The following CCDC3 variants were observed in gnomAD, a reference collection of about 807,000 sequenced individuals.
CCDC3 encodes the protein coiled-coil domain-containing protein 3.
CCDC3 carries 24 observed loss-of-function variants against 21.4 expected under a neutral mutation model. The ratio of observed to expected loss-of-function variants is 1.12; its 90% confidence interval spans 0.81 to 1.58. The LOEUF is 1.58. Ranked by LOEUF, CCDC3 falls within the 40% of genes most tolerant of loss-of-function variation. The probability of loss-of-function intolerance (pLI) is 0.00; values close to 1 mark genes in which losing one functional copy is unlikely to be tolerated. For synonymous variants in CCDC3, 186 were observed against 166.0 expected (o/e 1.12, Z -0.93); for missense variants, 425 against 360.9 (o/e 1.18, Z -1.44).
At chr10:13,061,632 T>G (rs1171375257) in intron 4 of CCDC3, among the ~76,000 whole-genome samples, 1 of 152,072 alleles carries the variant, frequency 6.6e-6, no homozygotes, top group Non-Finnish European at 1.5e-5. Flanking sequence ...ATACACTGGT[T>G]TGGTGGAGAA....
At chr10:12,981,177 A>ATTTTTTT (rs59193619) in intron 2 of CCDC3, among the ~76,000 whole-genome samples, 5 of 105,560 alleles carry the variant, frequency 4.7e-5, no homozygotes, top group Non-Finnish European at 7.3e-5. Flanking sequence ...CTGGCCCAGG[A>ATTTTTTT]TTTTTTTTTT....
intron 2 of CCDC3, among the ~76,000 whole-genome samples, chr10:12,906,204 C>T (rs1201498964): frequency 2.0e-5 from 3 of 152,208 alleles, no homozygotes; most frequent in Non-Finnish European, 2.9e-5. Flanking sequence ...GAAGTGACAG[C>T]AGGGAAGTTC....
intron 2 of CCDC3, among the ~76,000 whole-genome samples, chr10:12,937,140 C>T (rs1392496672): frequency 6.6e-6 from 1 of 151,218 alleles, no homozygotes; most frequent in East Asian, 1.9e-4. Flanking sequence ...CTCATTCACT[C>T]TGAGCATCCC....
At chr10:13,030,711 G>C (rs370589647) in intron 5 of CCDC3, among the ~76,000 whole-genome samples, 1 of 151,938 alleles carries the variant, frequency 6.6e-6, no homozygotes, top group Non-Finnish European at 1.5e-5. Context: ...TCTGATAAAA[G>C]AGACTTTAAA....
At chr10:12,956,521 C>T (rs907189703) in intron 2 of CCDC3, among the ~76,000 whole-genome samples, 2 of 152,182 alleles carry the variant, frequency 1.3e-5, no homozygotes, top group Non-Finnish European at 2.9e-5. Context: ...AGGCCTTCCC[C>T]ATCTCCAGGG....
At chr10:13,090,015 G>T (rs1371786896) in intron 3 of CCDC3, among the ~76,000 whole-genome samples, 1 of 141,876 alleles carries the variant, frequency 7.0e-6, no homozygotes, top group African/African-American at 2.7e-5. Flanking sequence ...CCTTTTTATG[G>T]CTGAGTAGTA....
At chr10:13,034,094 G>T (rs1187558586) in intron 5 of CCDC3, among the ~76,000 whole-genome samples, 1 of 152,012 alleles carries the variant, frequency 6.6e-6, no homozygotes, top group African/African-American at 2.4e-5. Flanking sequence ...AACCAACCCA[G>T]ATGTCCATCA....
At chr10:12,980,616 T>C (rs1044375689) in intron 2 of CCDC3, among the ~76,000 whole-genome samples, 4 of 152,166 alleles carry the variant, frequency 2.6e-5, no homozygotes, top group African/African-American at 7.2e-5. Context: ...TGAGCTAAGA[T>C]GTCCTCCCGG....
intron 2 of CCDC3, among the ~76,000 whole-genome samples, chr10:12,970,573 TTAAA>T (rs1231371217): frequency 6.6e-6 from 1 of 152,136 alleles, no homozygotes; most frequent in Non-Finnish European, 1.5e-5. Context: ...TTTTACTTAA[TTAAA>T]TAAATTAAAA....
chr10:13,031,253 A>C (rs1270085704), intron 5 of CCDC3, among the ~76,000 whole-genome samples: 1 of 152,198 alleles, frequency 6.6e-6, no homozygotes, highest in African/African-American at 2.4e-5. Context: ...CTACTGGGTA[A>C]ATAACGAAAT....
At position 13,001,688 on chromosome 10, in the gene CCDC3, G is replaced by A. The variant is rs11258116; in HGVS notation, c.-118C>T. ...GCCGCTCCCGGGAGCTGAGCGCACC[G>A]CTGTCTCCGCCACGGGGCTCGGCAT... On this transcript the variant is annotated 5_prime_UTR_variant, in exon 1 of 3. Transcript: ENST00000378825. The A allele has an allele frequency of 2.1e-3, 1,321 of 635,686 alleles. 50 individuals carry two copies. The South Asian group carries it at 0.053, about 25-fold the overall frequency. The allele number at this position is 635,686 out of a possible 1,614,324, so 39.4% of individuals were successfully genotyped here. A position where few individuals can be genotyped will look rare whatever the true frequency, so the allele number is the denominator to read the frequency against.
At chr10:12,937,595 T>C (rs1461308258) in intron 2 of CCDC3, among the ~76,000 whole-genome samples, 2 of 152,108 alleles carry the variant, frequency 1.3e-5, no homozygotes, top group African/African-American at 2.4e-5. Flanking sequence ...CCCAAAATGT[T>C]GGGATTGAAA....
chr10:12,982,973 A>G (rs905572356), intron 2 of CCDC3, among the ~76,000 whole-genome samples: 1 of 150,002 alleles, frequency 6.7e-6, no homozygotes, highest in Non-Finnish European at 1.5e-5. Flanking sequence ...TTAGCTGGGC[A>G]TGGTGGCGGG....
chr10:12,936,838 A>G (rs985320324), intron 2 of CCDC3, among the ~76,000 whole-genome samples: 7 of 152,332 alleles, frequency 4.6e-5, no homozygotes, highest in Non-Finnish European at 2.9e-5. Flanking sequence ...GCATGAGCCC[A>G]GGAGTTCGAG....
chr10:12,916,060 G>A (rs1233874606), intron 2 of CCDC3, among the ~76,000 whole-genome samples: 1 of 152,068 alleles, frequency 6.6e-6, no homozygotes. Context: ...TCCTGGGACA[G>A]GCCTAAACCC....
intron 5 of CCDC3, among the ~76,000 whole-genome samples, chr10:13,012,742 G>A (rs1835998315): frequency 6.6e-6 from 1 of 152,066 alleles, no homozygotes; most frequent in Admixed American, 6.5e-5. Flanking sequence ...CCGCACTCCA[G>A]CCTGGGGGAC....
chr10:13,014,588 G>C (rs1475018360), intron 5 of CCDC3, among the ~76,000 whole-genome samples: 4 of 151,990 alleles, frequency 2.6e-5, no homozygotes, highest in Non-Finnish European at 5.9e-5. Context: ...AGATGTGAAC[G>C]GGAACTGAAA....
chr10:12,940,685 G>GT (rs11453460), intron 2 of CCDC3, among the ~76,000 whole-genome samples: 42,496 of 152,038 alleles, frequency 0.28, 6,288 homozygotes, highest in South Asian at 0.45. Flanking sequence ...TCAATCATAC[G>GT]TAAGAGGTAG....
chr10:13,094,242 AGATGATGATGATGATGATGATGAT>A (rs71386151), intron 3 of CCDC3, among the ~76,000 whole-genome samples: 8 of 146,746 alleles, frequency 5.5e-5, no homozygotes, highest in African/African-American at 2.0e-4. Context: ...TTACTTTTCA[AGATGATGATGATGATGATGATGAT>A]GATGATGATG....
Sources: gnomAD v4.1 joint callset for allele counts (sites outside exome capture counted in the v4.1 genomes callset) on GRCh38, gnomAD v4.1.1 for gene constraint, MANE v1.5 for transcripts, NCBI Gene and HGNC (gene_info 2026-07-23, HGNC 2026-07-21) for gene names.